EYA4: variants seen among roughly 807,000 people sequenced by gnomAD.
EYA4 encodes EYA transcriptional coactivator and phosphatase 4.
A neutral mutation model predicts 87.9 loss-of-function variants in EYA4; 31 were observed. The observed-to-expected ratio is 0.35, with a 90% CI of 0.27 to 0.48. EYA4 has a LOEUF of 0.48. EYA4 is among the 20% of genes least tolerant of loss of function. The pLI is 0.99. For synonymous variants in EYA4, 263 were observed against 270.6 expected (o/e 0.97, Z 0.28); for missense variants, 678 against 761.4 (o/e 0.89, Z 1.29).
intron 10 of EYA4, among the ~76,000 whole-genome samples, chr6:133,467,808 T>C (rs547187995): frequency 3.3e-5 from 5 of 152,040 alleles, no homozygotes; most frequent in South Asian, 2.1e-4. Context: ...ACACCAATTA[T>C]CACAACAAAT....
intron 3 of EYA4, among the ~76,000 whole-genome samples, chr6:133,438,753 A>G (rs1026334885): frequency 6.6e-6 from 1 of 152,018 alleles, no homozygotes; most frequent in African/African-American, 2.4e-5. Flanking sequence ...ATTTAAATTA[A>G]AAGTCTTGGC....
chr6:133,467,027 A>G (rs894270551), intron 10 of EYA4, among the ~76,000 whole-genome samples: 4 of 152,164 alleles, frequency 2.6e-5, no homozygotes, highest in Non-Finnish European at 5.9e-5. Flanking sequence ...ACGAGGAGAT[A>G]AATTTAAAAA....
rs542800948 is a variant in EYA4, at chr6:133,506,339, G to A, written c.1281+144G>A. The A allele has an allele frequency of 5.1e-5, 30 of 588,912 alleles. No individual in the cohort carries two copies. In the South Asian group the frequency reaches 5.6e-4, roughly 11 times the overall value. The allele number at this position is 588,912 out of a possible 1,614,324, so 36.5% of individuals were successfully genotyped here. Reference sequence around the variant, plus strand: ...AAAGTTCTTGTCAAGAGGAAAAATTGTATATACAAATATAAGCAGAAAGTT... The same window carrying A: ...AAAGTTCTTGTCAAGAGGAAAAATTATATATACAAATATAAGCAGAAAGTT... On this transcript the variant is annotated intron_variant, in intron 14 of 19. Coordinates refer to ENST00000355286, the MANE Select transcript of EYA4 (RefSeq NM_004100.5).
chr6:133,464,672 T>C, intron 9 of EYA4, 107 bp from the exon 10 acceptor site: 1 of 771,758 alleles, frequency 1.3e-6, no homozygotes. Flanking sequence ...TTTCACTGTC[T>C]TCACGACAAA....
intron 2 of EYA4, among the ~76,000 whole-genome samples, chr6:133,369,474 AAT>A (rs1439138562): frequency 6.6e-6 from 1 of 152,072 alleles, no homozygotes; most frequent in East Asian, 1.9e-4. Flanking sequence ...CTCAGATGAA[AAT>A]ATATACAAAA....
chr6:133,393,285 C>T (rs1787462563), intron 3 of EYA4, among the ~76,000 whole-genome samples: 1 of 152,070 alleles, frequency 6.6e-6, no homozygotes, highest in Non-Finnish European at 1.5e-5. Context: ...AATGCTTATT[C>T]TCCCCCTTAA....
At chr6:133,445,868 C>T (rs764936444) in intron 3 of EYA4, among the ~76,000 whole-genome samples, 13 of 152,222 alleles carry the variant, frequency 8.5e-5, no homozygotes, top group Non-Finnish European at 1.8e-4. Context: ...GCGTGAGCCA[C>T]CGCGCCCGGC....
chr6:133,344,235 G>C (rs1356912388), intron 2 of EYA4, among the ~76,000 whole-genome samples: 1 of 152,178 alleles, frequency 6.6e-6, no homozygotes, highest in African/African-American at 2.4e-5. Context: ...TACATGACTT[G>C]TCTGACTTAT....
At chr6:133,324,629 G>A (rs1033902059) in intron 2 of EYA4, among the ~76,000 whole-genome samples, 2 of 151,992 alleles carry the variant, frequency 1.3e-5, no homozygotes, top group African/African-American at 4.8e-5. Context: ...TGAGAAAGAG[G>A]ATCCTTGTAA....
At chr6:133,499,357 A>G (rs929457729) in intron 13 of EYA4, among the ~76,000 whole-genome samples, 2 of 152,104 alleles carry the variant, frequency 1.3e-5, no homozygotes, top group African/African-American at 2.4e-5. Flanking sequence ...TTTCTAGCCC[A>G]TCCTCCCAAC....
At chr6:133,446,504 C>A in intron 3 of EYA4, 126 bp from the exon 4 acceptor site, 1 of 1,044,934 alleles carries the variant, frequency 9.6e-7, no homozygotes, top group Middle Eastern at 2.2e-4. Context: ...ATCTGGTTGA[C>A]TAAGTCTTAG....
At chr6:133,281,116 T>C (rs1777588336) in intron 2 of EYA4, among the ~76,000 whole-genome samples, 1 of 152,178 alleles carries the variant, frequency 6.6e-6, no homozygotes, top group Admixed American at 6.5e-5. Flanking sequence ...ACTCTTTAAA[T>C]AGAAAGAATA....
intron 11 of EYA4, among the ~76,000 whole-genome samples, chr6:133,478,813 C>CTCTT (rs1185952848): frequency 1.3e-5 from 2 of 152,168 alleles, no homozygotes; most frequent in Admixed American, 1.3e-4. Flanking sequence ...TCCTCTTCTG[C>CTCTT]TCTTTTCACC....
chr6:133,256,285 G>A (rs1362953819), intron 1 of EYA4, among the ~76,000 whole-genome samples: 1 of 151,170 alleles, frequency 6.6e-6, no homozygotes, highest in Non-Finnish European at 1.5e-5. Flanking sequence ...TTTACTTATG[G>A]TTCGTAAGCC....
chr6:133,441,097 G>A (rs752869625), intron 3 of EYA4, among the ~76,000 whole-genome samples: 1 of 151,938 alleles, frequency 6.6e-6, no homozygotes, highest in Non-Finnish European at 1.5e-5. Context: ...ATATTATTCT[G>A]TATCATTCTC....
chr6:133,297,800 C>T (rs1426501429), intron 2 of EYA4, among the ~76,000 whole-genome samples: 1 of 152,212 alleles, frequency 6.6e-6, no homozygotes, highest in Admixed American at 6.5e-5. Flanking sequence ...TGCTGACATG[C>T]AACGTTGTAA....
intron 13 of EYA4, among the ~76,000 whole-genome samples, chr6:133,504,855 T>C (rs1269380440): frequency 6.6e-6 from 1 of 152,166 alleles, no homozygotes; most frequent in Non-Finnish European, 1.5e-5. Context: ...TTTCCCCAAG[T>C]TGAGATACAT....
intron 2 of EYA4, among the ~76,000 whole-genome samples, chr6:133,324,098 T>C (rs1781307288): frequency 2.0e-5 from 3 of 152,138 alleles, no homozygotes; most frequent in East Asian, 1.9e-4. Context: ...AACTTGAAAA[T>C]TGGACACCAA....
At chr6:133,423,388 G>A (rs537207123) in intron 3 of EYA4, among the ~76,000 whole-genome samples, 2 of 152,156 alleles carry the variant, frequency 1.3e-5, no homozygotes, top group African/African-American at 4.8e-5. Flanking sequence ...CAAATTGGCT[G>A]TACCAATTTA....
Sources: gnomAD v4.1 joint callset for allele counts (sites outside exome capture counted in the v4.1 genomes callset) on GRCh38, gnomAD v4.1.1 for gene constraint, MANE v1.5 for transcripts, NCBI Gene and HGNC (gene_info 2026-07-23, HGNC 2026-07-21) for gene names.